METTL15: variants seen among roughly 807,000 people sequenced by gnomAD.
METTL15 encodes the protein 12S rRNA N(4)-cytidine methyltransferase METTL15.
In METTL15, 34 loss-of-function variants were observed where a neutral mutation model predicts 38.3. The ratio of observed to expected loss-of-function variants is 0.89; its 90% CI spans 0.68 to 1.18. The LOEUF is 1.18. Among genes scored for constraint, METTL15 ranks in the 50% most tolerant of loss-of-function variants. METTL15 has a pLI of 0.00. For synonymous variants in METTL15, 162 were observed against 170.9 expected (o/e 0.95, Z 0.41); for missense variants, 438 against 498.4 (o/e 0.88, Z 1.15).
chr11:28,385,811 G>A (rs938736175), intron 5 of METTL15, among the ~76,000 whole-genome samples: 7 of 152,006 alleles, frequency 4.6e-5, no homozygotes, highest in African/African-American at 1.7e-4. Flanking sequence ...TTCTGTGTGT[G>A]TGTGTGAGGG....
chr11:28,129,251 T>G (rs1852639460), intron 3 of METTL15, among the ~76,000 whole-genome samples: 1 of 152,196 alleles, frequency 6.6e-6, no homozygotes, highest in Non-Finnish European at 1.5e-5. Flanking sequence ...ATCTTGAATA[T>G]TTGAAATTGT....
intron 6 of METTL15, among the ~76,000 whole-genome samples, chr11:28,507,861 C>T (rs1251602345): frequency 6.6e-6 from 1 of 152,190 alleles, no homozygotes; most frequent in African/African-American, 2.4e-5. Context: ...CACCACATTG[C>T]ACCTTTACTC....
Position 28,364,158 on chromosome 11 carries a change from A to AT in METTL15, c.*358+2125dup, listed in dbSNP as rs1850165664. Among the ~76,000 whole-genome samples the AT allele has an allele frequency of 2.0e-5, 3 of 152,226 alleles. 1 individual carries two copies. The East Asian group carries it at 5.8e-4, about 29-fold the overall frequency. ...CTTTTTGCTTACGATTGCTTTGGCTATTTGGGCTCTATTTTGGTTATAAAT... is the reference window on the plus strand; with the variant it reads ...CTTTTTGCTTACGATTGCTTTGGCTATTTTGGGCTCTATTTTGGTTATAAAT... On this transcript the variant is annotated intron_variant and NMD_transcript_variant, in intron 5 of 7. Coordinates refer to the METTL15 transcript ENST00000532947.
intron 5 of METTL15, among the ~76,000 whole-genome samples, chr11:28,374,380 C>T (rs1335321452): frequency 2.0e-5 from 3 of 152,096 alleles, no homozygotes; most frequent in Non-Finnish European, 2.9e-5. Flanking sequence ...AGGTCCTTCA[C>T]ATCCCTTGTA....
chr11:28,353,162 G>A (rs1224103008), intron 4 of METTL15, among the ~76,000 whole-genome samples: 1 of 152,124 alleles, frequency 6.6e-6, no homozygotes, highest in African/African-American at 2.4e-5. Context: ...GTAATGTGAG[G>A]CCTAAAGGAG....
chr11:28,339,298 A>G (rs971805921), intron 3 of METTL15, among the ~76,000 whole-genome samples: 7 of 152,100 alleles, frequency 4.6e-5, no homozygotes, highest in Admixed American at 6.6e-5. Context: ...GAATACATAT[A>G]ATAAAAAAGA....
At chr11:28,132,832 A>G (rs1002917424) in intron 3 of METTL15, among the ~76,000 whole-genome samples, 5 of 152,178 alleles carry the variant, frequency 3.3e-5, no homozygotes, top group Non-Finnish European at 5.9e-5. Context: ...ACTGCATTAT[A>G]TTATAATCTT....
At chr11:28,173,798 C>T (rs1682518236) in intron 3 of METTL15, among the ~76,000 whole-genome samples, 1 of 152,040 alleles carries the variant, frequency 6.6e-6, no homozygotes, top group African/African-American at 2.4e-5. Flanking sequence ...TTTTGAAGAC[C>T]TTCGTGGTTT....
intron 3 of METTL15, among the ~76,000 whole-genome samples, chr11:28,210,030 G>A (rs950966771): frequency 3.9e-5 from 6 of 151,998 alleles, no homozygotes; most frequent in Admixed American, 3.9e-4. Flanking sequence ...TGTGGAGAAT[G>A]TCTTGACTTG....
intron 6 of METTL15, among the ~76,000 whole-genome samples, chr11:28,470,074 C>T (rs978392411): frequency 6.6e-6 from 1 of 152,050 alleles, no homozygotes; most frequent in Non-Finnish European, 1.5e-5. Flanking sequence ...TGTAGACTCT[C>T]TTACTAGAGA....
intron 6 of METTL15, among the ~76,000 whole-genome samples, chr11:28,479,092 T>C (rs1320745617): frequency 1.4e-5 from 2 of 144,586 alleles, no homozygotes; most frequent in East Asian, 3.9e-4. Flanking sequence ...TGTGTGTGTG[T>C]GTGTTTGCTT....
At chr11:28,158,215 G>A (rs900092442) in intron 3 of METTL15, among the ~76,000 whole-genome samples, 7 of 152,178 alleles carry the variant, frequency 4.6e-5, no homozygotes, top group African/African-American at 1.7e-4. Context: ...TGCATCTCAC[G>A]TGAGTGCTCA....
intron 6 of METTL15, among the ~76,000 whole-genome samples, chr11:28,442,916 G>A (rs920551986): frequency 6.6e-6 from 1 of 151,908 alleles, no homozygotes; most frequent in African/African-American, 2.4e-5. Flanking sequence ...TAGTAATATT[G>A]GAGAATGCAG....
chr11:28,266,924 C>T (rs940832154), intron 4 of METTL15, among the ~76,000 whole-genome samples: 5 of 152,052 alleles, frequency 3.3e-5, no homozygotes, highest in African/African-American at 4.8e-5. Context: ...CTTTGGGAGG[C>T]CAAGGTGGGT....
At chr11:28,401,262 T>G (rs2133404283) in intron 5 of METTL15, among the ~76,000 whole-genome samples, 1 of 152,098 alleles carries the variant, frequency 6.6e-6, no homozygotes, top group Non-Finnish European at 1.5e-5. Context: ...AAGAATCAGC[T>G]GCCTATGGCT....
chr11:28,394,481 G>A lies in METTL15; in HGVS notation c.*359-29818G>A, dbSNP rs549298555. 6.6e-5 allele frequency among the ~76,000 whole-genome samples: 10 copies of A among 152,128 alleles called. No homozygotes were observed. The South Asian group carries it at 2.1e-3, about 32-fold the overall frequency. ...TTCACTCACACACTCTGGCTCACAA[G>A]GAGGGGGGTGGAAGTTATAAAAAGG... On this transcript the variant is annotated intron_variant and NMD_transcript_variant, in intron 5 of 7. Coordinates refer to the METTL15 transcript ENST00000532947.
chr11:28,334,374 T>C (rs1033978666), downstream of METTL15, among the ~76,000 whole-genome samples: 2 of 152,124 alleles, frequency 1.3e-5, no homozygotes, highest in Non-Finnish European at 2.9e-5. Flanking sequence ...GTTAAAATTT[T>C]GTAAAATTTA....
At chr11:28,201,498 A>C (rs1412380775) in intron 3 of METTL15, among the ~76,000 whole-genome samples, 1 of 151,512 alleles carries the variant, frequency 6.6e-6, no homozygotes, top group Admixed American at 6.6e-5. Context: ...TTGACTGTGA[A>C]CCCATCTGGT....
intron 4 of METTL15, among the ~76,000 whole-genome samples, chr11:28,281,406 A>G (rs928517574): frequency 6.6e-6 from 1 of 152,176 alleles, no homozygotes; most frequent in Admixed American, 6.5e-5. Flanking sequence ...TTCAGCTCTC[A>G]GCATCCGCTT....
Sources: gnomAD v4.1 joint callset for allele counts (sites outside exome capture counted in the v4.1 genomes callset) on GRCh38, gnomAD v4.1.1 for gene constraint, MANE v1.5 for transcripts, NCBI Gene and HGNC (gene_info 2026-07-23, HGNC 2026-07-21) for gene names.